Variants in GREB1L observed in about 807,000 individuals in gnomAD.
The protein encoded by GREB1L is GREB1 like retinoic acid receptor coactivator.
A neutral mutation model predicts 200.8 loss-of-function variants in GREB1L; 17 were observed. The observed-to-expected ratio is 0.08, with a 90% CI of 0.06 to 0.13. GREB1L has a LOEUF of 0.13. Ranked by LOEUF, GREB1L falls within the 10% of genes least tolerant of loss-of-function variation. The pLI, the probability that GREB1L is intolerant of heterozygous loss-of-function variation, is 1.00. For synonymous variants in GREB1L, 789 were observed against 893.0 expected (o/e 0.88, Z 2.08); for missense variants, 1,657 against 2,367.7 (o/e 0.70, Z 6.23).
At chr18:21,291,695 G>A (rs2038452871) in intron 1 of GREB1L, among the ~76,000 whole-genome samples, 1 of 152,176 alleles carries the variant, frequency 6.6e-6, no homozygotes, top group African/African-American at 2.4e-5. Context: ...TGTGAAGAAG[G>A]TGGTTCCCCA....
intron 1 of GREB1L, among the ~76,000 whole-genome samples, chr18:21,270,453 G>A (rs569598303): frequency 1.2e-4 from 19 of 152,242 alleles, no homozygotes; most frequent in East Asian, 9.7e-4. Context: ...ATCATCTGTG[G>A]CTATTCCTTG....
intron 15 of GREB1L, among the ~76,000 whole-genome samples, chr18:21,468,382 G>A (rs949233453): frequency 6.6e-6 from 1 of 152,152 alleles, no homozygotes; most frequent in Non-Finnish European, 1.5e-5. Context: ...AGGGATGGGG[G>A]TGTTGAGGGA....
chr18:21,370,293 A>G (rs1309863000), intron 2 of GREB1L, among the ~76,000 whole-genome samples: 11 of 152,182 alleles, frequency 7.2e-5, no homozygotes, highest in Non-Finnish European at 1.0e-4. Context: ...CTATTGGGGG[A>G]AGTTAGACAG....
intron 13 of GREB1L, chr18:21,451,461 C>T (rs1348961442): frequency 5.0e-6 from 1 of 199,328 alleles, no homozygotes. Flanking sequence ...TCCCTCCCTT[C>T]CTTCTTTCCT....
rs569513498 is a variant in GREB1L at position 21,278,466 on chromosome 18, T to C, written c.-120+36073T>C. ...AGCATCCTCCTCAAAACATGAAGTT[T>C]AGTGGTAAATGTTGAGAATTTTACA... On this transcript the variant is annotated intron_variant, in intron 1 of 32. Coordinates refer to ENST00000424526, the MANE Select transcript of GREB1L (RefSeq NM_001142966.3). 3.3e-5 allele frequency among the ~76,000 whole-genome samples: 5 copies of C among 151,994 alleles called. No individual in the cohort carries two copies. The South Asian group carries it at 6.2e-4, about 19-fold the overall frequency.
At chr18:21,300,226 A>T (rs1406318021) in intron 1 of GREB1L, among the ~76,000 whole-genome samples, 2 of 152,182 alleles carry the variant, frequency 1.3e-5, no homozygotes, top group Non-Finnish European at 2.9e-5. Flanking sequence ...TTTATGGGGT[A>T]CTTAGCCATT....
intron 11 of GREB1L, 76 bp from the exon 12 acceptor site, chr18:21,449,434 C>T (rs989081128): frequency 4.7e-6 from 4 of 854,188 alleles, no homozygotes; most frequent in African/African-American, 1.7e-5. Context: ...AGAAGGACTG[C>T]AGGAAAGCAT....
intron 1 of GREB1L, among the ~76,000 whole-genome samples, chr18:21,282,418 A>G (rs947591626): frequency 2.0e-5 from 3 of 152,230 alleles, no homozygotes; most frequent in African/African-American, 7.2e-5. Flanking sequence ...CCACTTTCAT[A>G]ATAAATTTTT....
intron 27 of GREB1L, among the ~76,000 whole-genome samples, chr18:21,511,611 A>G (rs1024621151): frequency 6.6e-6 from 1 of 152,064 alleles, no homozygotes; most frequent in Non-Finnish European, 1.5e-5. Flanking sequence ...TAAGGGTCCA[A>G]CTTCATTCTT....
chr18:21,258,796 C>G (rs2037842942), intron 1 of GREB1L, among the ~76,000 whole-genome samples: 1 of 152,166 alleles, frequency 6.6e-6, no homozygotes, highest in Non-Finnish European at 1.5e-5. Flanking sequence ...ATCAAATTTA[C>G]TTACTTACAA....
intron 1 of GREB1L, among the ~76,000 whole-genome samples, chr18:21,299,477 A>G (rs1009480985): frequency 6.0e-5 from 9 of 150,826 alleles, no homozygotes; most frequent in African/African-American, 1.9e-4. Flanking sequence ...TTTATATGGT[A>G]CTCATTTTCC....
chr18:21,319,080 T>A (rs1485886275), intron 1 of GREB1L, among the ~76,000 whole-genome samples: 1 of 152,128 alleles, frequency 6.6e-6, no homozygotes, highest in Non-Finnish European at 1.5e-5. Context: ...AAAACCTAGA[T>A]GTGGAAGAGA....
chr18:21,311,630 C>A (rs993225600), intron 1 of GREB1L, among the ~76,000 whole-genome samples: 7 of 152,144 alleles, frequency 4.6e-5, no homozygotes, highest in Admixed American at 4.6e-4. Context: ...TCTAAAGATA[C>A]TATGCGCTGC....
intron 1 of GREB1L, among the ~76,000 whole-genome samples, chr18:21,260,474 T>G (rs1218408523): frequency 6.6e-6 from 1 of 151,972 alleles, no homozygotes; most frequent in African/African-American, 2.4e-5. Context: ...TGTTAGTCCT[T>G]TATATTAGGA....
At chr18:21,327,252 A>G (rs1468902547) in intron 1 of GREB1L, among the ~76,000 whole-genome samples, 3 of 152,242 alleles carry the variant, frequency 2.0e-5, no homozygotes, top group Non-Finnish European at 4.4e-5. Flanking sequence ...TCACACACAT[A>G]CAAAGGGCAA....
At chr18:21,303,524 G>A (rs72881350) in intron 1 of GREB1L, among the ~76,000 whole-genome samples, 4,375 of 152,322 alleles carry the variant, frequency 0.029, 94 homozygotes, top group Non-Finnish European at 0.046. Flanking sequence ...TTGGTTAGCT[G>A]TTAATGGTTT....
chr18:21,409,930 G>T (rs891665136), intron 7 of GREB1L, among the ~76,000 whole-genome samples: 2 of 152,004 alleles, frequency 1.3e-5, no homozygotes, highest in Non-Finnish European at 2.9e-5. Context: ...TCTCTTATAC[G>T]CTAGAAGCTT....
At chr18:21,382,896 G>C (rs547940297) in intron 2 of GREB1L, among the ~76,000 whole-genome samples, 4 of 152,064 alleles carry the variant, frequency 2.6e-5, no homozygotes, top group Admixed American at 2.0e-4. Context: ...TTAATTGAAG[G>C]GTCCCAAATA....
At chr18:21,463,950 C>T (rs777664086) in intron 15 of GREB1L, among the ~76,000 whole-genome samples, 1 of 152,264 alleles carries the variant, frequency 6.6e-6, no homozygotes, top group African/African-American at 2.4e-5. Context: ...GACATGGCAG[C>T]CTGCCTGAGG....
Sources: allele counts gnomAD v4.1 joint callset (sites outside exome capture counted in the v4.1 genomes callset), GRCh38; gene constraint gnomAD v4.1.1; transcripts MANE v1.5; gene names NCBI Gene and HGNC (gene_info 2026-07-23, HGNC 2026-07-21).